EFR3A: variants seen among roughly 807,000 people sequenced by gnomAD.
The protein encoded by EFR3A is EFR3 homolog A, also known as protein EFR3 homolog A.
A neutral mutation model predicts 104.4 loss-of-function variants in EFR3A; 76 were observed. That is an observed-to-expected ratio of 0.73 (90% CI 0.60 to 0.88). The LOEUF is 0.88. EFR3A is among the 40% of genes least tolerant of loss of function. EFR3A has a pLI of 0.00. For synonymous variants in EFR3A, 330 were observed against 330.0 expected (o/e 1.00, Z 0.00); for missense variants, 985 against 1,012.5 (o/e 0.97, Z 0.37).
rs1820076517 is a variant in EFR3A, at chr8:131,971,914, ATATTCTGCTTTTC to A, written c.1159+1272_1159+1284del. Among the ~76,000 whole-genome samples, 9 of 152,240 alleles carry A rather than the reference ATATTCTGCTTTTC, an allele frequency of 5.9e-5. 1 individual carries two copies. Among genetic ancestry groups the A allele is most frequent in the African/African-American group, 7.2e-5 (3 of 41,532 alleles). ...GAGAAGACACTTTCAGATCATGCGG[ATATTCTGCTTTTC>A]ATCCAGACTTAAGGTTAGATCTAGC... On this transcript the variant is annotated intron_variant, in intron 10 of 22. Coordinates refer to ENST00000254624, the MANE Select transcript of EFR3A (RefSeq NM_015137.6).
At chr8:131,954,361 A>G (rs578047650) in intron 6 of EFR3A, among the ~76,000 whole-genome samples, 3 of 151,776 alleles carry the variant, frequency 2.0e-5, no homozygotes, top group Admixed American at 1.3e-4. Flanking sequence ...AACTAACCAA[A>G]ATAATAATGA....
chr8:131,979,093 AT>A, intron 13 of EFR3A, 74 bp downstream of exon 13: 1 of 1,395,022 alleles, frequency 7.2e-7, no homozygotes. Flanking sequence ...AAGTATTGTG[AT>A]TTTTAAAAAT....
intron 9 of EFR3A, among the ~76,000 whole-genome samples, chr8:131,968,639 CCCTTT>C (rs1819892978): frequency 2.0e-5 from 3 of 152,244 alleles, no homozygotes; most frequent in South Asian, 4.1e-4. Context: ...AATTCCTCCT[CCCTTT>C]CCTTCTTCTA....
intron 20 of EFR3A, among the ~76,000 whole-genome samples, chr8:132,002,139 A>T (rs1014442032): frequency 6.6e-6 from 1 of 152,230 alleles, no homozygotes; most frequent in African/African-American, 2.4e-5. Flanking sequence ...AAATAAATGG[A>T]AAAGGCTACA....
chr8:131,948,369 A>C (rs1277864782), intron 4 of EFR3A, among the ~76,000 whole-genome samples: 1 of 152,072 alleles, frequency 6.6e-6, no homozygotes, highest in African/African-American at 2.4e-5. Context: ...GTGTGACATG[A>C]GTTGATATAT....
At chr8:131,926,065 G>T (rs939097120) in intron 1 of EFR3A, among the ~76,000 whole-genome samples, 1 of 151,830 alleles carries the variant, frequency 6.6e-6, no homozygotes, top group African/African-American at 2.4e-5. Context: ...CTATTATAGG[G>T]TTATAGTTGA....
At chr8:132,010,449 T>TATATA (rs1326843233) in intron 22 of EFR3A, among the ~76,000 whole-genome samples, 6 of 128,400 alleles carry the variant, frequency 4.7e-5, no homozygotes, top group Middle Eastern at 4.5e-3. Flanking sequence ...TATATATATA[T>TATATA]AATGAAATAC....
chr8:131,991,251 C>T (rs1476425957), intron 18 of EFR3A, among the ~76,000 whole-genome samples: 1 of 152,104 alleles, frequency 6.6e-6, no homozygotes, highest in Admixed American at 6.5e-5. Flanking sequence ...GACCAACCCT[C>T]ATGATTCAGT....
intron 2 of EFR3A, among the ~76,000 whole-genome samples, chr8:131,942,017 C>A (rs1818193009): frequency 6.6e-6 from 1 of 151,904 alleles, no homozygotes; most frequent in South Asian, 2.1e-4. Context: ...AATTATTTTC[C>A]TGAGAAGTCT....
intron 7 of EFR3A, among the ~76,000 whole-genome samples, chr8:131,956,485 G>C (rs1266631553): frequency 6.6e-6 from 1 of 152,134 alleles, no homozygotes; most frequent in Non-Finnish European, 1.5e-5. Flanking sequence ...AAGCCTTTGT[G>C]TTTCTGACTC....
rs1389379651 is a variant in EFR3A, at chr8:131,946,634, G to A, written c.366+1G>A. On this transcript the variant is annotated splice_donor_variant, in intron 4 of 22. Coordinates refer to ENST00000254624, the MANE Select transcript of EFR3A (RefSeq NM_015137.6). LOFTEE classifies it high-confidence loss of function. ...GCTTCAAGTTCTTGGAACAAATTCT[G>A]TGAGTAAAACTATTCTGTTACTAAA... The A allele has an allele frequency of 1.3e-6, 2 of 1,590,284 alleles. No individual in the cohort carries two copies. Among genetic ancestry groups the A allele is most frequent in the Non-Finnish European group, 1.7e-6 (2 of 1,168,962 alleles).
intron 1 of EFR3A, among the ~76,000 whole-genome samples, chr8:131,905,693 T>C (rs1563802572): frequency 6.6e-6 from 1 of 152,232 alleles, no homozygotes; most frequent in African/African-American, 2.4e-5. Flanking sequence ...TTCATTGTTA[T>C]TGCCAGTTTA....
chr8:132,004,683 C>G (rs1431973741), intron 22 of EFR3A, among the ~76,000 whole-genome samples: 3 of 152,192 alleles, frequency 2.0e-5, no homozygotes, highest in Non-Finnish European at 4.4e-5. Flanking sequence ...TGTACTTGAT[C>G]TTATGCTACA....
intron 1 of EFR3A, chr8:131,938,139 G>C (rs987060474): frequency 2.5e-6 from 1 of 394,360 alleles, no homozygotes; most frequent in Non-Finnish European, 4.5e-6. Context: ...TAATTAATTA[G>C]AAGTAAAGTG....
chr8:132,006,729 T>C (rs1178573870), intron 22 of EFR3A, among the ~76,000 whole-genome samples: 1 of 152,020 alleles, frequency 6.6e-6, no homozygotes, highest in Non-Finnish European at 1.5e-5. Flanking sequence ...AATGAAATTA[T>C]AGACAAGTAC....
At chr8:131,932,492 G>A (rs1817659132) in intron 1 of EFR3A, among the ~76,000 whole-genome samples, 1 of 152,068 alleles carries the variant, frequency 6.6e-6, no homozygotes, top group South Asian at 2.1e-4. Context: ...GCTAATAAAG[G>A]GGAAGCTGTA....
At chr8:131,933,645 A>G (rs759969795) in intron 1 of EFR3A, among the ~76,000 whole-genome samples, 5 of 152,128 alleles carry the variant, frequency 3.3e-5, no homozygotes, top group Non-Finnish European at 5.9e-5. Context: ...TAAATATGAT[A>G]ATATACAGTA....
At chr8:131,917,733 CAGGTTCTTTGTGTATAATGCTACAGAAA>C (rs1486144295) in intron 1 of EFR3A, among the ~76,000 whole-genome samples, 1 of 151,948 alleles carries the variant, frequency 6.6e-6, no homozygotes, top group Non-Finnish European at 1.5e-5. Flanking sequence ...TACAGAATTC[CAGGTTCTTTGTGTATAATGCTACAGAAA>C]AACTGGTTGG....
At position 132,001,780 on chromosome 8, in the gene EFR3A, A is replaced by G. The variant is rs774307252; in HGVS notation, c.2179A>G (p.Thr727Ala). 1 of 1,613,452 alleles carries G rather than the reference A, an allele frequency of 6.2e-7. No homozygotes were observed. Among genetic ancestry groups the G allele is most frequent in the Admixed American group, 1.7e-5 (1 of 60,016 alleles). The change falls in exon 20 of 23, where the codon ACT becomes GCT. Residue 727 changes from threonine to alanine, a missense_variant. Transcript: ENST00000254624. ...CTAGGTTAGTAACACTGAAGAAATC[A>G]CTTTTGAAGCATTGAAGAAAGCAAT... ...DDVVSNTEEI[T>A]FEALKKAIDT...
Sources: gnomAD v4.1 joint callset for allele counts (sites outside exome capture counted in the v4.1 genomes callset) on GRCh38, gnomAD v4.1.1 for gene constraint, MANE v1.5 for transcripts, NCBI Gene and HGNC (gene_info 2026-07-23, HGNC 2026-07-21) for gene names.